Variants in MTSS1 observed in about 807,000 individuals in gnomAD.
The protein encoded by MTSS1 is MTSS I-BAR domain containing 1.
A neutral mutation model predicts 79.0 loss-of-function variants in MTSS1; 18 were observed. That is an observed-to-expected ratio of 0.23 (90% CI 0.16 to 0.34). MTSS1 has a LOEUF of 0.34. Ranked by LOEUF, MTSS1 falls within the 10% of genes least tolerant of loss-of-function variation. The pLI, the probability that MTSS1 is intolerant of heterozygous loss-of-function variation, is 1.00. For missense variants in MTSS1, 815 were observed against 986.2 expected (o/e 0.83, Z 2.33); for synonymous variants, 341 against 368.6 (o/e 0.93, Z 0.86).
chr8:124,630,409 A>T (rs539160990), intron 3 of MTSS1, among the ~76,000 whole-genome samples: 4 of 152,334 alleles, frequency 2.6e-5, no homozygotes, highest in Non-Finnish European at 5.9e-5. Flanking sequence ...GACCTGAAAG[A>T]GGAGGTGGAG....
chr8:124,717,240 C>T (rs1480113155), intron 1 of MTSS1, among the ~76,000 whole-genome samples: 1 of 152,146 alleles, frequency 6.6e-6, no homozygotes, highest in East Asian at 1.9e-4. Context: ...GCCTGTAATC[C>T]CAGCACTTTG....
At chr8:124,561,158 G>A (rs1381656893) in intron 10 of MTSS1, among the ~76,000 whole-genome samples, 9 of 152,306 alleles carry the variant, frequency 5.9e-5, no homozygotes, top group South Asian at 4.1e-4. Flanking sequence ...GTGGCCGGGC[G>A]CGGTGGCTCA....
intron 3 of MTSS1, among the ~76,000 whole-genome samples, chr8:124,605,912 T>A (rs999738647): frequency 3.7e-4 from 56 of 152,038 alleles, no homozygotes; most frequent in African/African-American, 1.3e-3. Context: ...TTCATTTTTT[T>A]AAAATCTCAT....
intron 1 of MTSS1, among the ~76,000 whole-genome samples, chr8:124,725,606 A>C (rs1367341725): frequency 6.6e-6 from 1 of 152,182 alleles, no homozygotes. Flanking sequence ...CCATTATGGG[A>C]GTTTAAAGAA....
At chr8:124,706,271 A>C (rs1830372738) in intron 1 of MTSS1, among the ~76,000 whole-genome samples, 1 of 152,220 alleles carries the variant, frequency 6.6e-6, no homozygotes, top group Non-Finnish European at 1.5e-5. Flanking sequence ...GGGAGTTAAA[A>C]TCTGGACCAA....
intron 3 of MTSS1, among the ~76,000 whole-genome samples, chr8:124,635,101 C>G (rs190657024): frequency 6.6e-6 from 1 of 152,200 alleles, no homozygotes; most frequent in African/African-American, 2.4e-5. Flanking sequence ...AAGCCTGGAA[C>G]GTTAAAGCTG....
At chr8:124,667,380 C>T (rs1823295489) in intron 3 of MTSS1, among the ~76,000 whole-genome samples, 1 of 152,200 alleles carries the variant, frequency 6.6e-6, no homozygotes, top group Non-Finnish European at 1.5e-5. Flanking sequence ...CGTGGTGGCT[C>T]ATGCCTGTAA....
intron 3 of MTSS1, among the ~76,000 whole-genome samples, chr8:124,680,342 G>C (rs188813864): frequency 6.6e-6 from 1 of 152,202 alleles, no homozygotes; most frequent in African/African-American, 2.4e-5. Context: ...GGAGTCATCC[G>C]AACGGGGTCC....
In MTSS1 at chr8:124,621,065, A is replaced by C. The variant is rs1435616047; in HGVS notation, c.209-29830T>G. Among the ~76,000 whole-genome samples the C allele has an allele frequency of 3.3e-5, 5 of 152,030 alleles. No individual in the cohort carries two copies. In the South Asian group the frequency reaches 1.0e-3, roughly 32 times the overall value. ...ATCCCCTGGAATCCCTCCACTGATA[A>C]AGGCAACTTCCAATGACTCCTCTTC... On this transcript the variant is annotated intron_variant, in intron 3 of 13. Transcript: ENST00000518547.
At chr8:124,719,123 C>T (rs1380581817) in intron 1 of MTSS1, among the ~76,000 whole-genome samples, 1 of 152,156 alleles carries the variant, frequency 6.6e-6, no homozygotes, top group Non-Finnish European at 1.5e-5. Flanking sequence ...CACACAGACC[C>T]TGGAGCCAGA....
intron 3 of MTSS1, among the ~76,000 whole-genome samples, chr8:124,615,465 G>T (rs1345118734): frequency 6.6e-6 from 1 of 152,140 alleles, no homozygotes; most frequent in Non-Finnish European, 1.5e-5. Context: ...AAATAAGCCC[G>T]CCACAAAAGG....
rs767393317 is a variant in MTSS1, at chr8:124,556,370, C to T, written c.1266G>A (p.Leu422=). The change falls in exon 12 of 14, where the codon CTG becomes CTA. Residue 422 remains leucine, a synonymous_variant. Coordinates refer to ENST00000518547, the MANE Select transcript of MTSS1 (RefSeq NM_014751.6). The part of the protein sequence containing the change: ...WAKPGPYDQP[L]VNTLQRRKEK... ...CTTTGCGGCGCTGCAGGGTGTTCAC[C>T]AGAGGCTGGTCATAGGGCCCAGGCT... 2.5e-6 allele frequency: 4 copies of T among 1,613,984 alleles called. No homozygotes were observed. Among genetic ancestry groups the T allele is most frequent in the Admixed American group, 1.7e-5 (1 of 60,020 alleles).
At chr8:124,661,013 G>C (rs1034596139) in intron 3 of MTSS1, among the ~76,000 whole-genome samples, 1 of 152,192 alleles carries the variant, frequency 6.6e-6, no homozygotes, top group Non-Finnish European at 1.5e-5. Flanking sequence ...TGAGGCCATC[G>C]TCAATCAACA....
chr8:124,628,354 A>G (rs1244358379), intron 3 of MTSS1, among the ~76,000 whole-genome samples: 1 of 152,194 alleles, frequency 6.6e-6, no homozygotes, highest in Non-Finnish European at 1.5e-5. Flanking sequence ...AGGACACGGC[A>G]CCAATTATCT....
At chr8:124,557,406 G>A (rs1049655920) in intron 11 of MTSS1, among the ~76,000 whole-genome samples, 73 of 152,280 alleles carry the variant, frequency 4.8e-4, no homozygotes, top group African/African-American at 1.5e-3. Context: ...CGCTGCCTGC[G>A]GTGCACACTG....
At chr8:124,701,492 A>G (rs1347748518) in intron 2 of MTSS1, among the ~76,000 whole-genome samples, 4 of 152,240 alleles carry the variant, frequency 2.6e-5, no homozygotes, top group Non-Finnish European at 5.9e-5. Context: ...CATATTTTTT[A>G]AAGAGTTGAC....
At chr8:124,677,110 C>T (rs1825428224) in intron 3 of MTSS1, among the ~76,000 whole-genome samples, 1 of 152,156 alleles carries the variant, frequency 6.6e-6, no homozygotes, top group African/African-American at 2.4e-5. Flanking sequence ...CCACGATCAC[C>T]AATTGTTCAT....
chr8:124,667,697 C>A (rs1823362584), intron 3 of MTSS1, among the ~76,000 whole-genome samples: 2 of 151,992 alleles, frequency 1.3e-5, no homozygotes, highest in South Asian at 4.2e-4. Context: ...GTATTATTAT[C>A]ATTTCAGACA....
chr8:124,588,812 T>A (rs1313794602), intron 5 of MTSS1, among the ~76,000 whole-genome samples: 3 of 152,136 alleles, frequency 2.0e-5, no homozygotes, highest in African/African-American at 7.2e-5. Context: ...CCTCCTGGGT[T>A]CAAACAATTC....
Sources: gnomAD v4.1 joint callset for allele counts (sites outside exome capture counted in the v4.1 genomes callset) on GRCh38, gnomAD v4.1.1 for gene constraint, MANE v1.5 for transcripts, NCBI Gene and HGNC (gene_info 2026-07-23, HGNC 2026-07-21) for gene names.